Variants in NFATC3 observed in about 807,000 individuals in gnomAD.
The protein encoded by NFATC3 is nuclear factor of activated T-cells, cytoplasmic 3.
In NFATC3, 46 loss-of-function variants were observed where a neutral mutation model predicts 98.6. That is an observed-to-expected ratio of 0.47 (90% CI 0.37 to 0.60). NFATC3 has a LOEUF of 0.60. Ranked by LOEUF, NFATC3 falls within the 20% of genes least tolerant of loss-of-function variation. NFATC3 has a pLI of 0.00. For missense variants in NFATC3, 1,256 were observed against 1,295.5 expected (o/e 0.97, Z 0.47); for synonymous variants, 512 against 472.2 (o/e 1.08, Z -1.09).
intron 8 of NFATC3, among the ~76,000 whole-genome samples, chr16:68,184,002 C>T (rs1263047263): frequency 5.6e-5 from 3 of 53,520 alleles, no homozygotes; most frequent in Admixed American, 2.7e-4. Context: ...GAAACTCCGT[C>T]ACAAAAAAAA....
intron 1 of NFATC3, among the ~76,000 whole-genome samples, chr16:68,119,128 A>G (rs113950236): frequency 8.5e-5 from 13 of 152,196 alleles, no homozygotes; most frequent in African/African-American, 2.4e-4. Context: ...CGGCCTCTCA[A>G]AGTGCTGGGA....
At position 68,154,166 on chromosome 16, in the gene NFATC3, C is replaced by T. The variant is rs111298256; in HGVS notation, c.1402-3703C>T. 6.5e-3 allele frequency among the ~76,000 whole-genome samples: 977 copies of T among 151,092 alleles called. 8 individuals carry two copies. Among genetic ancestry groups the T allele is most frequent in the Middle Eastern group, 0.014 (4 of 282 alleles). On this transcript the variant is annotated intron_variant, in intron 3 of 9. Transcript: ENST00000346183. ...AACTCCTGGCCTCAAGCAGTCCTCC[C>T]GCCTCAGCCTCCCAAAGTGTTGAGA...
chr16:68,209,300 G>A (rs1459092388), intron 9 of NFATC3: 1 of 152,294 alleles, frequency 6.6e-6, no homozygotes, highest in Non-Finnish European at 1.5e-5. Context: ...CCAGGAGGTG[G>A]AGGCTGCAGT....
intron 3 of NFATC3, among the ~76,000 whole-genome samples, chr16:68,136,751 C>T (rs1334104970): frequency 1.3e-5 from 2 of 151,946 alleles, no homozygotes; most frequent in African/African-American, 4.8e-5. Flanking sequence ...TGTGGTATAA[C>T]CAGTCACAGT....
At chr16:68,169,966 T>TG in intron 5 of NFATC3, among the ~76,000 whole-genome samples, 1 of 151,052 alleles carries the variant, frequency 6.6e-6, no homozygotes, top group East Asian at 2.0e-4. Context: ...ATGGATGGAG[T>TG]GGGGAGAAAG....
At chr16:68,174,798 T>C (rs2039612211) in intron 6 of NFATC3, among the ~76,000 whole-genome samples, 1 of 152,200 alleles carries the variant, frequency 6.6e-6, no homozygotes, top group Non-Finnish European at 1.5e-5. Flanking sequence ...CAGTGAGCTC[T>C]GATTGTGGCA....
chr16:68,168,471 TTTATTATTATTA>T (rs141377197), intron 5 of NFATC3, among the ~76,000 whole-genome samples: 11 of 147,956 alleles, frequency 7.4e-5, no homozygotes, highest in Admixed American at 2.0e-4. Context: ...CTTGTATTCT[TTTATTATTATTA>T]TTATTATTAT....
intron 1 of NFATC3, among the ~76,000 whole-genome samples, chr16:68,097,248 AGTG>A (rs1008242008): frequency 5.9e-5 from 9 of 152,248 alleles, no homozygotes; most frequent in Non-Finnish European, 2.9e-5. Context: ...CTGTGGAAAT[AGTG>A]GTGAACAAGA....
At chr16:68,099,308 G>A (rs188683564) in intron 1 of NFATC3, among the ~76,000 whole-genome samples, 3 of 152,176 alleles carry the variant, frequency 2.0e-5, no homozygotes, top group Non-Finnish European at 2.9e-5. Context: ...GGTGATGGGC[G>A]CCTGTAGTCC....
chr16:68,115,272 C>G (rs967186756), intron 1 of NFATC3, among the ~76,000 whole-genome samples: 1 of 152,022 alleles, frequency 6.6e-6, no homozygotes, highest in African/African-American at 2.4e-5. Context: ...CCATGTTGTC[C>G]AGGCTGGTCT....
In NFATC3 at chr16:68,226,611, C is replaced by T. The variant is rs1464319799; in HGVS notation, c.*140C>T. On this transcript the variant is annotated 3_prime_UTR_variant, in exon 10 of 10. Transcript: ENST00000346183. Reference sequence around the variant, plus strand: ...ATTTGTGGGGAAAGTAGCATTCCTCCACCTCAGGCCTTGGGTAGATTTGGC... The same window carrying T: ...ATTTGTGGGGAAAGTAGCATTCCTCTACCTCAGGCCTTGGGTAGATTTGGC... 5 of 964,570 alleles carry T rather than the reference C, an allele frequency of 5.2e-6. No individual in the cohort carries two copies. In the East Asian group the frequency reaches 1.2e-4, roughly 23 times the overall value. 59.8% of individuals were successfully genotyped at this position (964,570 alleles called of 1,614,324 possible).
intron 1 of NFATC3, among the ~76,000 whole-genome samples, chr16:68,095,922 CAG>C (rs1157635024): frequency 6.6e-6 from 1 of 152,182 alleles, no homozygotes; most frequent in East Asian, 1.9e-4. Context: ...AGCATAAAGA[CAG>C]TGTCAAATCT....
rs1344228333 is a variant in NFATC3, at chr16:68,122,704, G to A, written c.821G>A (p.Arg274Gln). The A allele has an allele frequency of 6.2e-7, 1 of 1,614,076 alleles. No individual in the cohort carries two copies. The highest frequency in any genetic ancestry group is 8.5e-7 in the Non-Finnish European group (1 of 1,180,040). ...SSRPTSPCGK[R>Q]RHSSAEVCYA... ...AGGCCCACATCCCCCTGTGGGAAAC[G>A]GAGGCACTCCAGTGCTGAAGTTTGT... The change falls in exon 2 of 10, where the codon CGG (arginine) becomes CAG (glutamine). Residue 274 changes from arginine to glutamine, a missense_variant. Transcript: ENST00000346183.
chr16:68,122,318 T>G lies in NFATC3; in HGVS notation c.435T>G (p.Ser145=). 1 of 1,614,192 alleles carries G rather than the reference T, an allele frequency of 6.2e-7. No homozygotes were observed. Among genetic ancestry groups the G allele is most frequent in the Non-Finnish European group, 8.5e-7 (1 of 1,180,028 alleles). ...DPEREFLERP[S]RDHLYLPLEP... ...AACGGGAATTTTTGGAAAGGCCTTC[T>G]AGAGATCATCTCTATCTTCCTCTTG... The change falls in exon 2 of 10, where the codon TCT becomes TCG. Residue 145 remains serine, a synonymous_variant. Coordinates refer to ENST00000346183, the MANE Select transcript of NFATC3 (RefSeq NM_173165.3).
chr16:68,163,343 C>T (rs1429076504), intron 4 of NFATC3, among the ~76,000 whole-genome samples: 22 of 151,418 alleles, frequency 1.5e-4, no homozygotes, highest in South Asian at 2.1e-4. Context: ...ACCTCCCGGG[C>T]GGGGCGGCTG....
At chr16:68,164,505 A>G (rs1820496294) in intron 4 of NFATC3, among the ~76,000 whole-genome samples, 2 of 152,224 alleles carry the variant, frequency 1.3e-5, no homozygotes, top group East Asian at 1.9e-4. Flanking sequence ...CTTTAAATAT[A>G]GGATGCCAGT....
At chr16:68,195,652 C>CA (rs2040633424) in intron 9 of NFATC3, among the ~76,000 whole-genome samples, 1 of 150,976 alleles carries the variant, frequency 6.6e-6, no homozygotes, top group Non-Finnish European at 1.5e-5. Flanking sequence ...ACTAAAAGTA[C>CA]AAAAAACTAG....
At position 68,123,030 on chromosome 16, in the gene NFATC3, T is replaced by G; in HGVS notation, c.1147T>G (p.Leu383Val). Residue 383 changes from leucine to valine, a missense_variant, in exon 2 of 10, where the codon TTA becomes GTA. Transcript: ENST00000346183. ...IDDGLGSQYP[L>V]KKDSCGDQFL... ...TGATGGCCTTGGATCTCAGTATCCT[T>G]TAAAGAAAGATTCATGTGGTGATCA... is the stretch of plus-strand genomic sequence containing the variant. The G allele has an allele frequency of 6.2e-7, 1 of 1,613,678 alleles. No individual in the cohort carries two copies. The highest frequency in any genetic ancestry group is 8.5e-7 in the Non-Finnish European group (1 of 1,180,034).
At position 68,122,116 on chromosome 16, in the gene NFATC3, T is replaced by G; in HGVS notation, c.233T>G (p.Phe78Cys). The G allele has an allele frequency of 1.9e-6, 3 of 1,614,150 alleles. No homozygotes were observed. Among genetic ancestry groups the G allele is most frequent in the Non-Finnish European group, 1.7e-6 (2 of 1,180,034 alleles). The change falls in exon 2 of 10, where the codon TTT (phenylalanine) becomes TGT (cysteine). Residue 78 changes from phenylalanine (F) to cysteine (C), a missense_variant. Phe to Cys is a radical substitution (Grantham distance 205, BLOSUM62 -2). Coordinates refer to ENST00000346183, the MANE Select transcript of NFATC3 (RefSeq NM_173165.3). ...PSHSSVLSPS[F>C]QLQSHKNYEG... The stretch of plus-strand genomic sequence containing the variant: ...CACTCTTCTGTTTTGTCACCATCGT[T>G]TCAGCTCCAAAGTCACAAAAACTAT...
Sources: allele counts gnomAD v4.1 joint callset (sites outside exome capture counted in the v4.1 genomes callset), GRCh38; gene constraint gnomAD v4.1.1; transcripts MANE v1.5; gene names NCBI Gene and HGNC (gene_info 2026-07-23, HGNC 2026-07-21).